Variants in STX10 observed in about 807,000 individuals in gnomAD.
STX10 encodes the protein syntaxin-10.
STX10 carries 35 observed loss-of-function variants against 34.1 expected under a neutral mutation model. The observed-to-expected ratio is 1.03, with a 90% CI of 0.78 to 1.36. The LOEUF is 1.36. STX10 is among the 40% of genes most tolerant of loss of function. The pLI, the probability that STX10 is intolerant of heterozygous loss-of-function variation, is 0.00. For synonymous variants in STX10, 155 were observed against 132.9 expected (o/e 1.17, Z -1.15); for missense variants, 361 against 335.5 (o/e 1.08, Z -0.59).
rs1389514250 is a variant in STX10, at chr19:13,149,098, G to A, written c.301-7C>T. 3.8e-6 allele frequency: 6 copies of A among 1,590,274 alleles called. No individual in the cohort carries two copies. Among genetic ancestry groups the A allele is most frequent in the Middle Eastern group, 1.7e-4 (1 of 6,040 alleles). On this transcript the variant is annotated splice_polypyrimidine_tract_variant and splice_region_variant and intron_variant, in intron 3 of 7. Coordinates refer to ENST00000587230, the MANE Select transcript of STX10 (RefSeq NM_003765.3). The stretch of plus-strand genomic sequence containing the variant: ...CCATATGGTCCTTCATTTCCTGGAG[G>A]TAAGGACAGCATTAGGGAGGAAAGA...
chr19:13,144,067 A>C lies in STX10; in HGVS notation c.*343T>G. 1 of 350,538 alleles carries C rather than the reference A, an allele frequency of 2.9e-6. No individual in the cohort carries two copies. Among genetic ancestry groups the C allele is most frequent in the Non-Finnish European group, 5.3e-6 (1 of 188,324 alleles). The allele number at this position is 350,538 out of a possible 1,614,324, so 21.7% of individuals were successfully genotyped here. On this transcript the variant is annotated 3_prime_UTR_variant, in exon 8 of 8. Transcript: ENST00000587230. ...CACCACACGACACAAATACGTATAA[A>C]AAAGGCTGACATTTTATTTCCAGGT... is the stretch of plus-strand genomic sequence containing the variant.
rs762431577 is a variant in STX10 at position 13,144,765 on chromosome 19, T to C, written c.577A>G (p.Ile193Val). 1 of 1,613,692 alleles carries C rather than the reference T, an allele frequency of 6.2e-7. No homozygotes were observed. The highest frequency in any genetic ancestry group is 8.5e-7 in the Non-Finnish European group (1 of 1,179,940). ...RVGEELDEQG[I>V]MLDAFAQEMD... ...CCACCCCCAGGGTCCTGGCCTCACA[T>C]GCCCTGCTCGTCCAGCTCTTCTCCA... Residue 193 changes from isoleucine to valine, a missense_variant and splice_region_variant, in exon 6 of 8, where the codon ATC becomes GTC. Physicochemically the swap from Ile to Val is conservative, Grantham distance 29. Transcript: ENST00000587230.
rs946286094 is a variant in STX10 at position 13,146,078 on chromosome 19, T to A, written c.364-683A>T. ...CGGGTGTGGCAGTGCATGCCTGTAA[T>A]CCCAGCTACTTGTGAGGCTAAGGCA... On this transcript the variant is annotated intron_variant, in intron 4 of 7. Transcript: ENST00000587230. Among the ~76,000 whole-genome samples the A allele has an allele frequency of 2.1e-5, 3 of 143,608 alleles. No homozygotes were observed. The Admixed American group carries it at 2.1e-4, about 10-fold the overall frequency. 94.2% of individuals were successfully genotyped at this position (143,608 alleles called of 152,430 possible).
chr19:13,148,672 T>C (rs976418363), intron 4 of STX10, among the ~76,000 whole-genome samples: 1 of 150,170 alleles, frequency 6.7e-6, no homozygotes, highest in Admixed American at 6.6e-5. Flanking sequence ...AGAACAAGAC[T>C]CTGTCTCAAA....
At chr19:13,145,852 C>T (rs1278375734) in intron 4 of STX10, among the ~76,000 whole-genome samples, 3 of 151,768 alleles carry the variant, frequency 2.0e-5, no homozygotes, top group Non-Finnish European at 4.4e-5. Flanking sequence ...GGTGAAATCC[C>T]GTCTCTACTA....
chr19:13,148,062 CAAAAAAAAA>C (rs55668178), intron 4 of STX10, among the ~76,000 whole-genome samples: 1 of 53,906 alleles, frequency 1.9e-5, no homozygotes, highest in Non-Finnish European at 3.3e-5. Flanking sequence ...GACTGCATCT[CAAAAAAAAA>C]AAAAAAAAAA....
rs778121845 is a variant in STX10 at position 13,144,906 on chromosome 19, C to T, written c.472-36G>A. The T allele has an allele frequency of 2.7e-5, 43 of 1,581,070 alleles. 2 individuals carry two copies. The highest frequency in any genetic ancestry group is 2.6e-4 in the South Asian group (23 of 87,604). On this transcript the variant is annotated intron_variant, in intron 5 of 7. Coordinates refer to ENST00000587230, the MANE Select transcript of STX10 (RefSeq NM_003765.3). The stretch of plus-strand genomic sequence containing the variant: ...AAGGGGTGGGAGATGCTGTTGAAAA[C>T]GACCCCAGAAGGCCAGGCGCTATGG...
chr19:13,144,721 G>A (rs777658255), intron 6 of STX10, 43 bp downstream of exon 6: 2 of 1,613,038 alleles, frequency 1.2e-6, no homozygotes, highest in South Asian at 2.2e-5. Context: ...ACACACCAGG[G>A]TGGCCGAGAG....
In STX10 at chr19:13,144,346, C is replaced by A; in HGVS notation, c.*64G>T. On this transcript the variant is annotated 3_prime_UTR_variant, in exon 8 of 8. Coordinates refer to ENST00000587230, the MANE Select transcript of STX10 (RefSeq NM_003765.3). ...GACCCTCTCCTCCTAGGGGGCGAGG[C>A]CAGCTCCAAAGTGCTTGGTGGCTCC... 6.4e-7 allele frequency: 1 copy of A among 1,571,774 alleles called. No individual in the cohort carries two copies. Among genetic ancestry groups the A allele is most frequent in the Non-Finnish European group, 8.6e-7 (1 of 1,159,046 alleles).
chr19:13,147,922 C>T (rs1251463004), intron 4 of STX10, among the ~76,000 whole-genome samples: 4 of 144,340 alleles, frequency 2.8e-5, no homozygotes, highest in East Asian at 2.0e-4. Flanking sequence ...AAAAATTAGC[C>T]GGGTGTGGTG....
intron 5 of STX10, 110 bp from the exon 6 acceptor site, chr19:13,144,980 C>T: frequency 1.0e-6 from 1 of 998,328 alleles, no homozygotes; most frequent in Non-Finnish European, 1.5e-6. Flanking sequence ...AGGCGGATCA[C>T]TTGAGGCCAG....
intron 4 of STX10, among the ~76,000 whole-genome samples, 174 bp downstream of exon 4, chr19:13,148,853 CAT>C (rs2145640966): frequency 6.6e-6 from 1 of 151,970 alleles, no homozygotes; most frequent in Non-Finnish European, 1.5e-5. Flanking sequence ...GACATATACA[CAT>C]AGAGAGGTTC....
Position 13,150,134 on chromosome 19 carries a change from C to G in STX10, c.35+5G>C, listed in dbSNP as rs1362859410. ...CCTCCGCCCTCCCCCGTCGTTGTCA[C>G]TCACCCTCGGACTACAAAAAAGGGG... On this transcript the variant is annotated splice_donor_5th_base_variant and intron_variant, in intron 1 of 7. Coordinates refer to ENST00000587230, the MANE Select transcript of STX10 (RefSeq NM_003765.3). The surrounding 1 kb of genome is among the most constrained non-coding windows in gnomAD (Gnocchi z 4.0). 2 of 1,186,800 alleles carry G rather than the reference C, an allele frequency of 1.7e-6. No homozygotes were observed. Among genetic ancestry groups the G allele is most frequent in the South Asian group, 1.3e-5 (1 of 78,562 alleles). The allele number at this position is 1,186,800 out of a possible 1,614,324, so 73.5% of individuals were successfully genotyped here. A position where few individuals can be genotyped will look rare whatever the true frequency, so the allele number is the denominator to read the frequency against.
chr19:13,149,426 A>AAAAAG (rs1555724459), intron 3 of STX10, 73 bp downstream of exon 3: 24,864 of 743,666 alleles, frequency 0.033, 88 homozygotes, highest in East Asian at 0.053. Context: ...AAAAAAAAAA[A>AAAAAG]AAAGAAAGAA....
At chr19:13,144,546 C>T in intron 7 of STX10, 31 bp downstream of exon 7, 1 of 1,614,054 alleles carries the variant, frequency 6.2e-7, no homozygotes, top group South Asian at 1.1e-5. Context: ...CTGCCCCCAC[C>T]AGGACTGACC....
chr19:13,149,214 C>G, intron 3 of STX10, 123 bp from the exon 4 acceptor site: 1 of 834,270 alleles, frequency 1.2e-6, no homozygotes, highest in Non-Finnish European at 1.9e-6. Context: ...GAGTTCGAGA[C>G]CAGCCTGATC....
chr19:13,146,926 A>G (rs1273822645), intron 4 of STX10, among the ~76,000 whole-genome samples: 1 of 152,050 alleles, frequency 6.6e-6, no homozygotes, highest in Non-Finnish European at 1.5e-5. Flanking sequence ...TGGGATGACA[A>G]ACTGGGAGGA....
chr19:13,146,146 G>A (rs1334733999), intron 4 of STX10, among the ~76,000 whole-genome samples: 1 of 151,216 alleles, frequency 6.6e-6, no homozygotes. Flanking sequence ...GCAGTGAGCT[G>A]AGATCGCACC....
rs2020027174 is a variant in STX10, at chr19:13,150,145, A to G, written c.29T>C (p.Val10Ala). The change falls in exon 1 of 8, where the codon GTC (valine) becomes GCC (alanine). Residue 10 changes from valine to alanine, a missense_variant. By Grantham distance (64) the Val-to-Ala change is moderately conservative (BLOSUM62 0). Transcript: ENST00000587230. This position sits in a 1 kb window ranked among gnomAD's most constrained non-coding sequence, Gnocchi z 4.0. The part of the protein sequence containing the change: MSLEDPFFV[V>A]RGEVQKAVNT... ...CCCCGTCGTTGTCACTCACCCTCGG[A>G]CTACAAAAAAGGGGTCTTCGAGAGA... is the stretch of plus-strand genomic sequence containing the variant. 3.5e-6 allele frequency: 4 copies of G among 1,128,304 alleles called. No homozygotes were observed. Among genetic ancestry groups the G allele is most frequent in the South Asian group, 1.3e-5 (1 of 77,626 alleles). 69.9% of individuals were successfully genotyped at this position (1,128,304 alleles called of 1,614,324 possible). A position where few individuals can be genotyped will look rare whatever the true frequency, so the allele number is the denominator to read the frequency against.
Sources: allele counts gnomAD v4.1 joint callset (sites outside exome capture counted in the v4.1 genomes callset), GRCh38; gene constraint gnomAD v4.1.1; non-coding constraint Gnocchi (gnomAD v3.1); transcripts MANE v1.5; gene names NCBI Gene and HGNC (gene_info 2026-07-23, HGNC 2026-07-21).